Variants in ACAP2 observed in about 807,000 individuals in gnomAD.
The protein encoded by ACAP2 is ArfGAP with coiled-coil, ankyrin repeat and PH domains 2, also known as arf-GAP with coiled-coil, ANK repeat and PH domain-containing protein 2.
Under a neutral mutation model 115.8 loss-of-function variants are expected in ACAP2, and 39 were observed. That is an observed-to-expected ratio of 0.34 (90% CI 0.26 to 0.44). The LOEUF is 0.44. Ranked by LOEUF, ACAP2 falls within the 20% of genes least tolerant of loss-of-function variation. The pLI is 1.00. For synonymous variants in ACAP2, 289 were observed against 315.8 expected, an observed-to-expected ratio of 0.92 and a Z score of 0.90; for missense variants, 662 against 927.6, an observed-to-expected ratio of 0.71 and a Z score of 3.72.
chr3:195,297,829 T>C (rs994171262), intron 15 of ACAP2, among the ~76,000 whole-genome samples: 2 of 152,214 alleles, frequency 1.3e-5, no homozygotes, highest in African/African-American at 4.8e-5. Context: ...CAACACCTAG[T>C]TGTATGTTCC....
At chr3:195,337,415 A>G (rs149805508) in intron 6 of ACAP2, among the ~76,000 whole-genome samples, 1,935 of 148,118 alleles carry the variant, frequency 0.013, 19 homozygotes, top group Middle Eastern at 0.039. Context: ...TTGACTCCCT[A>G]CAATCCATTA....
chr3:195,302,175 C>T lies in ACAP2; in HGVS notation c.1117-1G>A. ...ATGGAGATGATTTCTTATCCAGCTT[C>T]TAAAAGAATTAAGAATTACTTGTTT... is the stretch of plus-strand genomic sequence containing the variant. On this transcript the variant is annotated splice_acceptor_variant, in intron 13 of 22. Transcript: ENST00000326793. LOFTEE classifies it high-confidence loss of function. The T allele has an allele frequency of 6.2e-7, 1 of 1,605,192 alleles. No individual in the cohort carries two copies. The highest frequency in any genetic ancestry group is 8.5e-7 in the Non-Finnish European group (1 of 1,176,256).
At chr3:195,441,035 T>C (rs1016890187) in intron 1 of ACAP2, among the ~76,000 whole-genome samples, 7 of 152,238 alleles carry the variant, frequency 4.6e-5, no homozygotes, top group African/African-American at 1.7e-4. Flanking sequence ...TCTTATTTTA[T>C]ATTCAATGAT....
At chr3:195,339,318 C>A (rs1730718560) in intron 6 of ACAP2, among the ~76,000 whole-genome samples, 1 of 152,068 alleles carries the variant, frequency 6.6e-6, no homozygotes, top group South Asian at 2.1e-4. Flanking sequence ...TATTCACTTT[C>A]AAATGCTCTA....
chr3:195,428,560 G>T (rs1416968048), intron 1 of ACAP2, among the ~76,000 whole-genome samples: 5 of 152,044 alleles, frequency 3.3e-5, no homozygotes, highest in African/African-American at 1.2e-4. Flanking sequence ...AAGCTGTACA[G>T]GTTTGTATCC....
At chr3:195,442,646 C>T in intron 1 of ACAP2, 149 bp downstream of exon 1, 1 of 797,336 alleles carries the variant, frequency 1.3e-6, no homozygotes, top group East Asian at 3.2e-5. Flanking sequence ...CTGCAGTGCC[C>T]TCGCAGGGTG....
intron 4 of ACAP2, among the ~76,000 whole-genome samples, chr3:195,375,569 T>C (rs1406354015): frequency 5.3e-5 from 8 of 150,660 alleles, no homozygotes; most frequent in Middle Eastern, 3.6e-3. Flanking sequence ...CCCAGCACTT[T>C]GGGAAGCCGA....
chr3:195,361,567 A>G (rs779579839), intron 4 of ACAP2, among the ~76,000 whole-genome samples: 19 of 152,158 alleles, frequency 1.2e-4, no homozygotes, highest in Non-Finnish European at 1.8e-4. Flanking sequence ...GAGTGCCTAC[A>G]TCAAAAACAA....
Position 195,381,051 on chromosome 3 carries a change from G to A in ACAP2, c.243C>T (p.Thr81=). The part of the protein sequence containing the change: ...SNDAVVETSL[T]KFSDSLQEMI... ...TTTCTTGAAGACTGTCAGAAAACTT[G>A]GTCAAACTTGTCTATGAGAAAAAAA... Residue 81 remains threonine (T), a synonymous_variant, in exon 4 of 23, where the codon ACC becomes ACT. Coordinates refer to ENST00000326793, the MANE Select transcript of ACAP2 (RefSeq NM_012287.6). 6.3e-7 allele frequency: 1 copy of A among 1,599,754 alleles called. No homozygotes were observed. Among genetic ancestry groups the A allele is most frequent in the Non-Finnish European group, 8.5e-7 (1 of 1,176,592 alleles).
intron 5 of ACAP2, among the ~76,000 whole-genome samples, chr3:195,343,487 A>G (rs1477765806): frequency 6.6e-6 from 1 of 152,198 alleles, no homozygotes; most frequent in Non-Finnish European, 1.5e-5. Context: ...ATGCTGTGGC[A>G]TGATCATAGC....
At chr3:195,434,659 G>C (rs1715396626) in intron 1 of ACAP2, among the ~76,000 whole-genome samples, 1 of 152,198 alleles carries the variant, frequency 6.6e-6, no homozygotes, top group African/African-American at 2.4e-5. Flanking sequence ...AAAGGAGTGT[G>C]AATGAATGTC....
At chr3:195,362,864 A>G (rs182599711) in intron 4 of ACAP2, among the ~76,000 whole-genome samples, 40 of 152,098 alleles carry the variant, frequency 2.6e-4, no homozygotes, top group Non-Finnish European at 5.6e-4. Flanking sequence ...GTGAATGGGG[A>G]AAAACTGAAA....
intron 4 of ACAP2, among the ~76,000 whole-genome samples, chr3:195,367,419 C>G (rs1732802520): frequency 6.6e-6 from 1 of 152,092 alleles, no homozygotes; most frequent in African/African-American, 2.4e-5. Flanking sequence ...AAATAAAACT[C>G]TGGGGGAATG....
chr3:195,390,703 C>A (rs540469317), intron 2 of ACAP2, among the ~76,000 whole-genome samples: 3 of 152,182 alleles, frequency 2.0e-5, no homozygotes, highest in Non-Finnish European at 2.9e-5. Context: ...GGAAGATCCC[C>A]CAGGGGTTCC....
chr3:195,409,015 G>A (rs1094677), intron 1 of ACAP2, among the ~76,000 whole-genome samples: 80,113 of 151,634 alleles, frequency 0.53, 22,411 homozygotes, highest in East Asian at 0.89. Context: ...CTTCCCTGTA[G>A]GATTAGAAAC....
chr3:195,320,632 T>C, intron 10 of ACAP2, 69 bp downstream of exon 10: 1 of 1,144,134 alleles, frequency 8.7e-7, no homozygotes, highest in Non-Finnish European at 1.3e-6. Flanking sequence ...GAGAGAGTTG[T>C]CAAATCACAG....
rs369139708 is a variant in ACAP2, at chr3:195,376,862, C to A, written c.285+4147G>T. ...TATACCAAAGCCCAACTGTTATGAG[C>A]TCTGCTAGAGAATCTAATGCAGGTT... On this transcript the variant is annotated intron_variant, in intron 4 of 22. Transcript: ENST00000326793. 1.6e-4 allele frequency among the ~76,000 whole-genome samples: 25 copies of A among 152,288 alleles called. No individual in the cohort carries two copies. The South Asian group carries it at 1.9e-3, about 11-fold the overall frequency.
At chr3:195,404,928 G>T (rs1462286053) in intron 1 of ACAP2, among the ~76,000 whole-genome samples, 9 of 151,718 alleles carry the variant, frequency 5.9e-5, no homozygotes, top group Non-Finnish European at 1.2e-4. Flanking sequence ...CTCCTGAGTA[G>T]CTGGGATTAC....
intron 4 of ACAP2, among the ~76,000 whole-genome samples, chr3:195,376,457 C>T (rs1193222213): frequency 2.0e-5 from 3 of 151,724 alleles, no homozygotes; most frequent in African/African-American, 7.3e-5. Flanking sequence ...GAAGGAGAAC[C>T]ACTTGAACCT....
Sources: allele counts gnomAD v4.1 joint callset (sites outside exome capture counted in the v4.1 genomes callset), GRCh38; gene constraint gnomAD v4.1.1; transcripts MANE v1.5; gene names NCBI Gene and HGNC (gene_info 2026-07-23, HGNC 2026-07-21).